Variants in TUBG2 observed in about 807,000 individuals in gnomAD.
TUBG2 encodes tubulin gamma-2 chain.
TUBG2 carries 39 observed loss-of-function variants against 55.1 expected under a neutral mutation model. That is an observed-to-expected ratio of 0.71 (90% CI 0.55 to 0.93). TUBG2 has a LOEUF of 0.93. Ranked by LOEUF, TUBG2 falls within the 40% of genes least tolerant of loss-of-function variation. The pLI is 0.00. For missense variants in TUBG2, 358 were observed against 599.1 expected, an observed-to-expected ratio of 0.60 and a Z score of 4.20; for synonymous variants, 223 against 241.0, an observed-to-expected ratio of 0.93 and a Z score of 0.69.
Position 42,665,481 on chromosome 17 carries a change from G to A in TUBG2, c.612G>A (p.Val204=), listed in dbSNP as rs767397345. ...RLTQNADCVV[V]LDNTALNRIA... ...ATGCTCTTCTGTCCCCCCAGGTGGT[G>A]CTGGACAACACAGCCCTGAACCGGA... The change falls in exon 7 of 11, where the codon GTG becomes GTA. Residue 204 remains valine, a synonymous_variant. Coordinates refer to ENST00000251412, the MANE Select transcript of TUBG2 (RefSeq NM_016437.3). 3.2e-5 allele frequency: 52 copies of A among 1,613,988 alleles called. No homozygotes were observed. In the Admixed American group the frequency reaches 4.0e-4, roughly 12 times the overall value.
chr17:42,664,503 C>A (rs1055940238), intron 6 of TUBG2, among the ~76,000 whole-genome samples: 3 of 152,114 alleles, frequency 2.0e-5, no homozygotes, highest in African/African-American at 7.2e-5. Context: ...CACCACGTAT[C>A]CCACCTTTGC....
At position 42,663,294 on chromosome 17, in the gene TUBG2, C is replaced by G. The variant is rs750432022; in HGVS notation, c.480-83C>G. ...CTCTGAAGACTCAGTTCTGCCCTCACCCCTTTTGTACAAAATGGCACATAT... is the reference window on the plus strand; with the variant it reads ...CTCTGAAGACTCAGTTCTGCCCTCAGCCCTTTTGTACAAAATGGCACATAT... On this transcript the variant is annotated intron_variant, in intron 5 of 10. Transcript: ENST00000251412. The G allele has an allele frequency of 2.5e-4, 391 of 1,582,536 alleles. 1 individual carries two copies. Among genetic ancestry groups the G allele is most frequent in the Non-Finnish European group, 3.3e-4 (378 of 1,161,776 alleles).
At chr17:42,663,260 C>T (rs2052432230) in intron 5 of TUBG2, 117 bp from the exon 6 acceptor site, 7 of 1,487,666 alleles carry the variant, frequency 4.7e-6, no homozygotes, top group Non-Finnish European at 6.4e-6. Flanking sequence ...TCAGGCTTAT[C>T]CTTTTTGGCT....
chr17:42,661,981 TG>T (rs1429215153), intron 4 of TUBG2, among the ~76,000 whole-genome samples: 1 of 152,174 alleles, frequency 6.6e-6, no homozygotes, highest in African/African-American at 2.4e-5. Context: ...CAACTTACAA[TG>T]GGTTTATCAG....
At chr17:42,664,209 G>A (rs1471781032) in intron 6 of TUBG2, among the ~76,000 whole-genome samples, 1 of 151,418 alleles carries the variant, frequency 6.6e-6, no homozygotes, top group Non-Finnish European at 1.5e-5. Flanking sequence ...TCAGGAAGTC[G>A]AGGCTGCAGT....
In TUBG2 at chr17:42,666,724, T is replaced by C. The variant is rs2052557367; in HGVS notation, c.1280T>C (p.Val427Ala). Reference protein sequence around the residue: ...NFDEMDRSREVVQELIDEYHA... With the variant: ...NFDEMDRSREAVQELIDEYHA... The stretch of plus-strand genomic sequence containing the variant: ...GATGAGATGGACAGGTCTAGGGAGG[T>C]TGTTCAGGAGCTCATTGATGAGTAC... The change falls in exon 11 of 11, where the codon GTT becomes GCT. Residue 427 changes from valine (V) to alanine (A), a missense_variant. This residue lies in a region of TUBG2 where 54 missense variants were observed against 50.2 expected (regional missense o/e 1.08). Transcript: ENST00000251412. The C allele has an allele frequency of 6.2e-7, 1 of 1,613,718 alleles. No individual in the cohort carries two copies. Among genetic ancestry groups the C allele is most frequent in the Non-Finnish European group, 8.5e-7 (1 of 1,179,914 alleles).
rs574585112 is a variant in TUBG2 at position 42,666,030 on chromosome 17, A to G, written c.844-57A>G. ...CTGCCTTTGGCTTCTGCCAAAGAGA[A>G]GCCAAAGGGACTGTGCCCTGAGCGC... On this transcript the variant is annotated intron_variant, in intron 8 of 10. Coordinates refer to ENST00000251412, the MANE Select transcript of TUBG2 (RefSeq NM_016437.3). The G allele has an allele frequency of 8.1e-6, 13 of 1,609,546 alleles. No individual in the cohort carries two copies. The African/African-American group carries it at 1.5e-4, about 18-fold the overall frequency.
rs777047459 is a variant in TUBG2 at position 42,659,489 on chromosome 17, C to A, written c.-15C>A. On this transcript the variant is annotated 5_prime_UTR_variant, in exon 1 of 11. Coordinates refer to ENST00000251412, the MANE Select transcript of TUBG2 (RefSeq NM_016437.3). ...CTCGCCAGGCCGGGGCTGGCGCGCC[C>A]ACGTCTGAAGAGCGATGCCCCGGGA... 67 of 1,547,194 alleles carry A rather than the reference C, an allele frequency of 4.3e-5. No individual in the cohort carries two copies. The East Asian group carries it at 5.9e-4, about 14-fold the overall frequency.
intron 10 of TUBG2, 59 bp from the exon 11 acceptor site, chr17:42,666,544 T>A: frequency 6.2e-7 from 1 of 1,613,640 alleles, no homozygotes; most frequent in Middle Eastern, 1.6e-4. Flanking sequence ...CTTCATCATC[T>A]TCCCCAAGTT....
chr17:42,663,570 G>C (rs1229746980), intron 6 of TUBG2, 67 bp downstream of exon 6: 2 of 1,583,862 alleles, frequency 1.3e-6, no homozygotes, highest in Non-Finnish European at 1.7e-6. Context: ...CACTTTGGGA[G>C]GCCTAGGCAG....
In TUBG2 at chr17:42,666,103, A is replaced by G; in HGVS notation, c.860A>G (p.Lys287Arg). The G allele has an allele frequency of 1.2e-6, 2 of 1,613,976 alleles. No individual in the cohort carries two copies. The highest frequency in any genetic ancestry group is 1.7e-6 in the Non-Finnish European group (2 of 1,179,864). Residue 287 changes from lysine (K) to arginine (R), a missense_variant, in exon 9 of 11, where the codon AAG (lysine) becomes AGG (arginine). Physicochemically the swap from Lys to Arg is conservative, Grantham distance 26. Coordinates refer to ENST00000251412, the MANE Select transcript of TUBG2 (RefSeq NM_016437.3). ...TCCCATCAGGTGGCCAGCGTGAGGA[A>G]GACCACGGTCCTGGATGTCATGAGG... is the stretch of plus-strand genomic sequence containing the variant. Reference protein sequence around the residue: ...TTDQSVASVRKTTVLDVMRRL... With the variant: ...TTDQSVASVRRTTVLDVMRRL...
chr17:42,666,850 A>G lies in TUBG2; in HGVS notation c.*50A>G. 1 of 1,600,784 alleles carries G rather than the reference A, an allele frequency of 6.2e-7. No homozygotes were observed. The highest frequency in any genetic ancestry group is 1.1e-5 in the South Asian group (1 of 90,214). ...CTTCTAGATGGTAACCACAGCCTCG[A>G]CCATGCCTGCTCCCTCTGACCCAGC... On this transcript the variant is annotated 3_prime_UTR_variant, in exon 11 of 11. Transcript: ENST00000251412.
Position 42,659,833 on chromosome 17 carries a change from G to C in TUBG2, c.50-1G>C. The C allele has an allele frequency of 6.2e-7, 1 of 1,614,184 alleles. No homozygotes were observed. Among genetic ancestry groups the C allele is most frequent in the Non-Finnish European group, 8.5e-7 (1 of 1,180,022 alleles). On this transcript the variant is annotated splice_acceptor_variant, in intron 1 of 10. Transcript: ENST00000251412. LOFTEE classifies it high-confidence loss of function. ...ACCCGGGCATCTCCCCCCTCCCCCA[G>C]TTGGGTTCGAGTTCTGGAAACAGCT...
intron 5 of TUBG2, 149 bp downstream of exon 5, chr17:42,663,201 G>A (rs767589002): frequency 2.0e-5 from 25 of 1,274,594 alleles, no homozygotes; most frequent in Non-Finnish European, 2.4e-5. Context: ...TATTTTGGGG[G>A]GTGGGGGTTT....
At position 42,660,372 on chromosome 17, in the gene TUBG2, G is replaced by T. The variant is rs113859689; in HGVS notation, c.330+56G>T. 3.1e-3 allele frequency: 5,039 copies of T among 1,608,878 alleles called. 151 individuals carry two copies. The African/African-American group carries it at 0.059, about 19-fold the overall frequency. ...ATATTCCCATCCAGAGGCAAGGCAG[G>T]CTCAAGCTACTAGGAATTTGACCTG... is the stretch of plus-strand genomic sequence containing the variant. On this transcript the variant is annotated intron_variant, in intron 3 of 10. Transcript: ENST00000251412.
At chr17:42,661,229 T>A (rs1381389579) in intron 4 of TUBG2, 1 of 154,256 alleles carries the variant, frequency 6.5e-6, no homozygotes, top group Non-Finnish European at 1.4e-5. Flanking sequence ...GTGATAAAGG[T>A]GAAAGACAGT....
intron 5 of TUBG2, 127 bp downstream of exon 5, chr17:42,663,179 C>G: frequency 7.9e-7 from 1 of 1,268,812 alleles, no homozygotes; most frequent in Non-Finnish European, 1.1e-6. Context: ...ACCCAAGGAC[C>G]ATGTTGGAAG....
At chr17:42,661,952 T>G (rs2052396755) in intron 4 of TUBG2, among the ~76,000 whole-genome samples, 1 of 152,200 alleles carries the variant, frequency 6.6e-6, no homozygotes, top group Non-Finnish European at 1.5e-5. Flanking sequence ...TGATGCTATC[T>G]TCAGGTACAG....
At chr17:42,665,367 A>T in intron 6 of TUBG2, 109 bp from the exon 7 acceptor site, 1 of 1,557,384 alleles carries the variant, frequency 6.4e-7, no homozygotes. Context: ...TTTTTTTTAA[A>T]CTAACAAACC....
Sources: allele counts gnomAD v4.1 joint callset (sites outside exome capture counted in the v4.1 genomes callset), GRCh38; gene constraint gnomAD v4.1.1; regional missense constraint gnomAD v4.1.1; transcripts MANE v1.5; gene names NCBI Gene and HGNC (gene_info 2026-07-23, HGNC 2026-07-21).